Variants in GRAMD1B observed in about 807,000 individuals in gnomAD.
The protein encoded by GRAMD1B is GRAM domain containing 1B.
GRAMD1B carries 37 observed loss-of-function variants against 99.7 expected under a neutral mutation model. That is an observed-to-expected ratio of 0.37 (90% CI 0.29 to 0.49). The LOEUF (loss-of-function observed/expected upper bound fraction) is 0.49. Ranked by LOEUF, GRAMD1B falls within the 20% of genes least tolerant of loss-of-function variation. The pLI is 0.98. For synonymous variants in GRAMD1B, 427 were observed against 387.6 expected, an observed-to-expected ratio of 1.10 and a Z score of -1.19; for missense variants, 888 against 1,009.2, an observed-to-expected ratio of 0.88 and a Z score of 1.63.
At chr11:123,540,508 A>G (rs2135694326) in intron 2 of GRAMD1B, among the ~76,000 whole-genome samples, 1 of 152,322 alleles carries the variant, frequency 6.6e-6, no homozygotes, top group African/African-American at 2.4e-5. Flanking sequence ...TTTGCTTTTT[A>G]GAGTTCTCTT....
chr11:123,521,051 T>C (rs1942160272), intron 2 of GRAMD1B, among the ~76,000 whole-genome samples: 1 of 152,168 alleles, frequency 6.6e-6, no homozygotes, highest in Non-Finnish European at 1.5e-5. Context: ...CTATTTAAAG[T>C]CTTTCGTGCA....
intron 1 of GRAMD1B, among the ~76,000 whole-genome samples, chr11:123,397,911 A>C (rs906968504): frequency 2.6e-5 from 4 of 152,220 alleles, no homozygotes; most frequent in African/African-American, 9.6e-5. Context: ...GCTGCAAATA[A>C]CAGTAGCTTG....
rs1948850467 is a variant in GRAMD1B at position 123,577,537 on chromosome 11, G to C, written c.623G>C (p.Cys208Ser). 7 of 1,597,412 alleles carry C rather than the reference G, an allele frequency of 4.4e-6. No homozygotes were observed. In the Admixed American group the frequency reaches 6.9e-5, roughly 16 times the overall value. ...STPEQGVQRS[C>S]SSQSGRSGGK... ...CCGGAGCAGGGCGTGCAGCGCAGCT[G>C]CTCCTCCCAGTCCGGCCGGAGCGGC... Residue 208 changes from cysteine to serine, a missense_variant, in exon 3 of 20, where the codon TGC becomes TCC. This residue lies in a region of GRAMD1B where 233 missense variants were observed against 154.6 expected (regional missense o/e 1.51). Coordinates refer to ENST00000635736, the MANE Select transcript of GRAMD1B (RefSeq NM_001387025.1).
At chr11:123,441,728 T>C (rs1338075829) in intron 1 of GRAMD1B, among the ~76,000 whole-genome samples, 2 of 151,912 alleles carry the variant, frequency 1.3e-5, no homozygotes, top group African/African-American at 4.8e-5. Context: ...CCTGGGAGGT[T>C]GAGGCTTCAG....
intron 4 of GRAMD1B, among the ~76,000 whole-genome samples, chr11:123,590,162 T>C (rs926586889): frequency 3.9e-5 from 6 of 152,196 alleles, no homozygotes; most frequent in Non-Finnish European, 7.3e-5. Context: ...CTCTTGCTAA[T>C]GCTGAAGGTT....
chr11:123,411,786 T>C (rs1252288144), intron 1 of GRAMD1B, among the ~76,000 whole-genome samples: 2 of 152,170 alleles, frequency 1.3e-5, no homozygotes, highest in Non-Finnish European at 2.9e-5. Context: ...TAGCTGGGAC[T>C]ACAGGTGTGC....
intron 2 of GRAMD1B, among the ~76,000 whole-genome samples, chr11:123,509,608 G>A (rs562038776): frequency 6.6e-6 from 1 of 152,252 alleles, no homozygotes; most frequent in African/African-American, 2.4e-5. Context: ...CACACACAGT[G>A]AATATATGTA....
intron 2 of GRAMD1B, among the ~76,000 whole-genome samples, chr11:123,496,783 G>A (rs1591712736): frequency 6.6e-6 from 1 of 151,890 alleles, no homozygotes; most frequent in African/African-American, 2.4e-5. Flanking sequence ...TCCACCTCTA[G>A]AATTTCTGCT....
chr11:123,403,413 G>A (rs1947736124), intron 1 of GRAMD1B, among the ~76,000 whole-genome samples: 2 of 145,026 alleles, frequency 1.4e-5, no homozygotes, highest in Non-Finnish European at 3.0e-5. Flanking sequence ...GGCAACAAGA[G>A]CTAAACTCAG....
At chr11:123,460,923 C>T (rs1177924118) in intron 1 of GRAMD1B, among the ~76,000 whole-genome samples, 4 of 152,126 alleles carry the variant, frequency 2.6e-5, no homozygotes, top group African/African-American at 7.2e-5. Flanking sequence ...TTCTCCTTTC[C>T]TTGGGCGCCT....
At chr11:123,560,342 A>G in intron 2 of GRAMD1B, 1 of 1,162,946 alleles carries the variant, frequency 8.6e-7, no homozygotes, top group South Asian at 1.7e-5. Context: ...GGACTTCTGT[A>G]AGGCGGCACG....
chr11:123,365,048 A>C (rs1194905872), intron 1 of GRAMD1B, among the ~76,000 whole-genome samples: 1 of 152,070 alleles, frequency 6.6e-6, no homozygotes, highest in Non-Finnish European at 1.5e-5. Flanking sequence ...TTACAGCGCT[A>C]TTCTGTTGTT....
chr11:123,570,713 G>A (rs890158613), intron 2 of GRAMD1B, among the ~76,000 whole-genome samples: 7 of 152,092 alleles, frequency 4.6e-5, no homozygotes, highest in African/African-American at 9.7e-5. Flanking sequence ...TGTGAGCCAC[G>A]GCACCCAGCC....
At chr11:123,585,598 T>C (rs967861350) in intron 4 of GRAMD1B, among the ~76,000 whole-genome samples, 10 of 152,120 alleles carry the variant, frequency 6.6e-5, no homozygotes, top group Admixed American at 6.5e-4. Flanking sequence ...CCCCTTACCT[T>C]CTAGGAGGTT....
chr11:123,577,126 G>C (rs945332975), intron 2 of GRAMD1B, among the ~76,000 whole-genome samples: 1 of 152,218 alleles, frequency 6.6e-6, no homozygotes, highest in Admixed American at 6.5e-5. Flanking sequence ...TCTAGATGTC[G>C]ATTGCCCGTT....
intron 2 of GRAMD1B, among the ~76,000 whole-genome samples, chr11:123,567,948 AC>A (rs1565385075): frequency 6.6e-6 from 1 of 152,178 alleles, no homozygotes; most frequent in African/African-American, 2.4e-5. Flanking sequence ...TTCATCAACA[AC>A]CAAAGTCAGT....
At chr11:123,569,894 G>A (rs1947870582) in intron 2 of GRAMD1B, among the ~76,000 whole-genome samples, 1 of 152,338 alleles carries the variant, frequency 6.6e-6, no homozygotes. Context: ...CGCGCCAATG[G>A]TAATTGTTAG....
intron 1 of GRAMD1B, among the ~76,000 whole-genome samples, chr11:123,417,314 G>A (rs917555004): frequency 2.6e-5 from 4 of 152,128 alleles, no homozygotes; most frequent in South Asian, 2.1e-4. Context: ...CAGAGGTTGC[G>A]GTGAGCTGAG....
chr11:123,462,891 T>TAAAAAAAAAAAA (rs1022451957), intron 1 of GRAMD1B, among the ~76,000 whole-genome samples: 1 of 111,412 alleles, frequency 9.0e-6, no homozygotes, highest in Non-Finnish European at 2.0e-5. Flanking sequence ...AAAAATAAAT[T>TAAAAAAAAAAAA]AAAAAAAAAA....
Sources: gnomAD v4.1 joint callset for allele counts (sites outside exome capture counted in the v4.1 genomes callset) on GRCh38, gnomAD v4.1.1 for gene constraint, gnomAD v4.1.1 regional missense constraint, MANE v1.5 for transcripts, NCBI Gene and HGNC (gene_info 2026-07-23, HGNC 2026-07-21) for gene names.